BDNF: variants seen among roughly 807,000 people sequenced by gnomAD.
BDNF encodes the protein brain derived neurotrophic factor.
A neutral mutation model predicts 19.5 loss-of-function variants in BDNF; 1 was observed. That is an observed-to-expected ratio of 0.05 (90% CI 0.02 to 0.24). The LOEUF (loss-of-function observed/expected upper bound fraction) is 0.24, where lower values mean the gene tolerates loss of function less well. BDNF is among the 10% of genes least tolerant of loss of function. The probability of loss-of-function intolerance (pLI) is 1.00; values close to 1 mark genes in which losing one functional copy is unlikely to be tolerated. For synonymous variants in BDNF, 100 were observed against 121.6 expected (o/e 0.82, Z 1.17); for missense variants, 195 against 317.6 (o/e 0.61, Z 2.93).
intron 1 of BDNF, among the ~76,000 whole-genome samples, chr11:27,666,309 G>C (rs570313367): frequency 6.6e-6 from 1 of 152,170 alleles, no homozygotes; most frequent in African/African-American, 2.4e-5. Context: ...AAACCAATAA[G>C]ATGGGGAGAA....
At chr11:27,673,928 T>G in intron 1 of BDNF, 2 of 1,066,402 alleles carry the variant, frequency 1.9e-6, no homozygotes, top group South Asian at 3.9e-5. Context: ...TGAAAACAGG[T>G]GATGGAAGAA....
At chr11:27,666,695 G>A (rs550602461) in intron 1 of BDNF, among the ~76,000 whole-genome samples, 15 of 152,296 alleles carry the variant, frequency 9.8e-5, no homozygotes, top group African/African-American at 3.6e-4. Context: ...TGAATGAAAT[G>A]AAGCAAGAAG....
chr11:27,668,515 A>G (rs1854766158), intron 1 of BDNF, among the ~76,000 whole-genome samples: 1 of 152,178 alleles, frequency 6.6e-6, no homozygotes, highest in African/African-American at 2.4e-5. Flanking sequence ...GATCACTAGC[A>G]AGACTAATAA....
At chr11:27,683,575 T>C (rs1857116111) in intron 1 of BDNF, among the ~76,000 whole-genome samples, 1 of 152,216 alleles carries the variant, frequency 6.6e-6, no homozygotes, top group East Asian at 1.9e-4. Context: ...CTTGAGTTAA[T>C]TTTTGTATAA....
At chr11:27,686,357 C>T (rs796207665) in intron 1 of BDNF, among the ~76,000 whole-genome samples, 1 of 152,058 alleles carries the variant, frequency 6.6e-6, no homozygotes, top group South Asian at 2.1e-4. Context: ...TCCAATTTGC[C>T]AGTCTGTGGT....
rs1044423011 is a variant in BDNF at position 27,667,012 on chromosome 11, C to T, written c.-21-8427G>A. ...ATGAAGGAAAAAACATTAAGTGCAG[C>T]GAGAGAGAAAGGGCAGGTTACCCAC... is the stretch of plus-strand genomic sequence containing the variant. On this transcript the variant is annotated intron_variant, in intron 1 of 1. Coordinates refer to ENST00000356660, the MANE Select transcript of BDNF (RefSeq NM_001709.5). 3.9e-5 allele frequency among the ~76,000 whole-genome samples: 6 copies of T among 151,998 alleles called. No homozygotes were observed. The East Asian group carries it at 5.8e-4, about 15-fold the overall frequency.
intron 1 of BDNF, among the ~76,000 whole-genome samples, chr11:27,685,446 G>T (rs1164541657): frequency 2.0e-5 from 3 of 152,052 alleles, no homozygotes; most frequent in Non-Finnish European, 4.4e-5. Context: ...GCTAGCTTTT[G>T]AATGTGTTTG....
At chr11:27,696,412 C>T (rs1385372685) in intron 1 of BDNF, 3 of 152,212 alleles carry the variant, frequency 2.0e-5, no homozygotes, top group Non-Finnish European at 2.9e-5. Context: ...TTTTGAAGCT[C>T]ATCTGTGCAT....
intron 1 of BDNF, among the ~76,000 whole-genome samples, chr11:27,710,871 A>C (rs1272930426): frequency 6.6e-6 from 1 of 152,232 alleles, no homozygotes; most frequent in Non-Finnish European, 1.5e-5. Context: ...TGCCCTAAAC[A>C]AGTTAAGAAA....
intron 1 of BDNF, among the ~76,000 whole-genome samples, chr11:27,705,979 AG>A (rs2134097556): frequency 6.6e-6 from 1 of 152,304 alleles, no homozygotes; most frequent in Non-Finnish European, 1.5e-5. Context: ...TGTTAAGTCT[AG>A]GAAGTTTTGT....
intron 1 of BDNF, among the ~76,000 whole-genome samples, chr11:27,676,478 T>C (rs1564963720): frequency 6.6e-6 from 1 of 152,112 alleles, no homozygotes; most frequent in Admixed American, 6.5e-5. Context: ...CTAATGAGAA[T>C]GGTAAGGAGT....
chr11:27,720,755 C>T (rs549649514), intron 1 of BDNF: 21 of 986,132 alleles, frequency 2.1e-5, no homozygotes, highest in Non-Finnish European at 2.5e-5. Flanking sequence ...GCTTAAAAAT[C>T]TCTAATTAAG....
chr11:27,697,160 CACACAGAGAGAGAG>C (rs1859150923), intron 1 of BDNF, among the ~76,000 whole-genome samples: 4 of 117,840 alleles, frequency 3.4e-5, no homozygotes, highest in African/African-American at 8.8e-5. Context: ...CACACACACA[CACACAGAGAGAGAG>C]AGAGAGAGAG....
rs1366544116 is a variant in BDNF, at chr11:27,683,381, C to G, written c.-22+16783G>C. On this transcript the variant is annotated intron_variant, in intron 1 of 1. Coordinates refer to ENST00000356660, the MANE Select transcript of BDNF (RefSeq NM_001709.5). ...TGCCTGTTCACTCTGATGTTAGTTT[C>G]TTTTGCTGTGCAGAAGCTCTTTAGT... Among the ~76,000 whole-genome samples the G allele has an allele frequency of 2.6e-5, 4 of 152,208 alleles. No individual in the cohort carries two copies. The East Asian group carries it at 7.7e-4, about 29-fold the overall frequency.
At chr11:27,661,359 T>A (rs1336793092) in intron 1 of BDNF, among the ~76,000 whole-genome samples, 2 of 152,152 alleles carry the variant, frequency 1.3e-5, no homozygotes, top group Non-Finnish European at 2.9e-5. Context: ...AACCCAGGCA[T>A]AGGATAGAAA....
At chr11:27,718,359 C>CCA (rs1020676601) in intron 1 of BDNF, among the ~76,000 whole-genome samples, 3 of 144,608 alleles carry the variant, frequency 2.1e-5, no homozygotes, top group South Asian at 5.6e-4. Context: ...ACACCACCCC[C>CCA]CCCCGCCCCT....
At chr11:27,661,875 C>T (rs1166501023) in intron 1 of BDNF, among the ~76,000 whole-genome samples, 1 of 152,176 alleles carries the variant, frequency 6.6e-6, no homozygotes, top group Non-Finnish European at 1.5e-5. Context: ...CTTGCTTATC[C>T]TTCATGATCC....
In BDNF at chr11:27,700,245, G is replaced by T; in HGVS notation, c.-103C>A. 1.0e-6 allele frequency: 1 copy of T among 985,590 alleles called. No individual in the cohort carries two copies. Among genetic ancestry groups the T allele is most frequent in the Non-Finnish European group, 1.2e-6 (1 of 830,132 alleles). The allele number at this position is 985,590 out of a possible 1,614,324, so 61.1% of individuals were successfully genotyped here. A position where few individuals can be genotyped will look rare whatever the true frequency, so the allele number is the denominator to read the frequency against. ...GATTCTGGCTCCAGCGCCCAGCCCC[G>T]GTCCCCGTCGCGGTGCTGCTCCCCG... On this transcript the variant is annotated 5_prime_UTR_variant, in exon 1 of 2. Transcript: ENST00000356660.
In BDNF at chr11:27,657,164, T is replaced by C; in HGVS notation, c.*657A>G. ...AACATCTTCACAACATACAAATGTA[T>C]CTTTTATCAGCCAGAATATATATTG... is the stretch of plus-strand genomic sequence containing the variant. On this transcript the variant is annotated 3_prime_UTR_variant, in exon 2 of 2. Transcript: ENST00000356660. The surrounding 1 kb of genome is among the most constrained non-coding windows in gnomAD (Gnocchi z 5.0). The C allele has an allele frequency of 1.0e-6, 1 of 982,246 alleles. No homozygotes were observed. The highest frequency in any genetic ancestry group is 1.2e-6 in the Non-Finnish European group (1 of 826,684). 60.8% of individuals were successfully genotyped at this position (982,246 alleles called of 1,614,324 possible). A position where few individuals can be genotyped will look rare whatever the true frequency, so the allele number is the denominator to read the frequency against.
Sources: allele counts gnomAD v4.1 joint callset (sites outside exome capture counted in the v4.1 genomes callset), GRCh38; gene constraint gnomAD v4.1.1; non-coding constraint Gnocchi (gnomAD v3.1); transcripts MANE v1.5; gene names NCBI Gene and HGNC (gene_info 2026-07-23, HGNC 2026-07-21).